The following GSDMC variants were observed in gnomAD, a reference collection of about 807,000 sequenced individuals.
GSDMC encodes the protein gasdermin-C.
Under a neutral mutation model 58.0 loss-of-function variants are expected in GSDMC, and 59 were observed. The observed-to-expected ratio is 1.02, with a 90% confidence interval of 0.82 to 1.26. The LOEUF (loss-of-function observed/expected upper bound fraction) is 1.26, where lower values mean the gene tolerates loss of function less well. GSDMC is among the 50% of genes most tolerant of loss of function. The pLI is 0.00. For synonymous variants in GSDMC, 241 were observed against 220.2 expected, an observed-to-expected ratio of 1.09 and a Z score of -0.83; for missense variants, 659 against 598.5, an observed-to-expected ratio of 1.10 and a Z score of -1.06.
the GSDMC span, among the ~76,000 whole-genome samples, chr8:129,711,482 A>G: frequency 0.4 from 60,854 of 152,086 alleles, 17,239 homozygotes; most frequent in African/African-American, 0.77. Context: ...AACAGAGACC[A>G]TTTTTTCTTG....
chr8:129,705,998 A>G, the GSDMC span, among the ~76,000 whole-genome samples: 2 of 152,300 alleles, frequency 1.3e-5, no homozygotes, highest in Non-Finnish European at 2.9e-5. Context: ...GTGACCTGAT[A>G]TTGGAAATTA....
downstream of GSDMC, among the ~76,000 whole-genome samples, chr8:129,746,422 T>A (rs977091187): frequency 2.0e-5 from 3 of 151,770 alleles, no homozygotes; most frequent in Non-Finnish European, 4.4e-5. Context: ...CGAAAAAAAA[T>A]CAAAGATGCA....
At chr8:129,728,142 A>G in the GSDMC span, among the ~76,000 whole-genome samples, 9 of 152,148 alleles carry the variant, frequency 5.9e-5, no homozygotes, top group South Asian at 2.1e-4. Flanking sequence ...ATCTCCAGGC[A>G]TTCAGAGCAC....
At chr8:129,753,811 G>A (rs2033321241) in intron 6 of GSDMC, among the ~76,000 whole-genome samples, 1 of 152,106 alleles carries the variant, frequency 6.6e-6, no homozygotes, top group Non-Finnish European at 1.5e-5. Context: ...TTTACCACAA[G>A]CTGACTCATG....
the GSDMC span, among the ~76,000 whole-genome samples, chr8:129,739,964 AG>A: frequency 2.6e-5 from 4 of 152,184 alleles, no homozygotes; most frequent in African/African-American, 9.7e-5. Context: ...TGGAGGTGGA[AG>A]AAAGTGATAT....
chr8:129,750,437 C>A lies in GSDMC; in HGVS notation c.1077G>T (p.Met359Ile), dbSNP rs2033140355. The change falls in exon 11 of 14, where the codon ATG (methionine) becomes ATT (isoleucine). Residue 359 changes from methionine (M) to isoleucine (I), a missense_variant. Coordinates refer to ENST00000276708, the MANE Select transcript of GSDMC (RefSeq NM_031415.3). ...CAACTGTGGAGCCCCTCACCATGTT[C>A]ATCAGGTCCTGTAGAGCCCCTCTGT... The part of the protein sequence containing the change: ...LRDRGALQDL[M>I]NMLELDSSGH... The A allele has an allele frequency of 6.2e-7, 1 of 1,613,472 alleles. No individual in the cohort carries two copies. Among genetic ancestry groups the A allele is most frequent in the South Asian group, 1.1e-5 (1 of 90,958 alleles).
At chr8:129,729,877 T>A in the GSDMC span, 5 of 1,008,434 alleles carry the variant, frequency 5.0e-6, no homozygotes, top group East Asian at 1.2e-4. Context: ...TAAGCAGTAT[T>A]GCCCCAACCT....
the GSDMC span, chr8:129,730,150 A>C: frequency 2.9e-6 from 3 of 1,034,002 alleles, no homozygotes; most frequent in East Asian, 2.6e-5. Context: ...ACCCGAAAAA[A>C]TAAAGAGCTG....
chr8:129,773,777 C>A, intron 3 of GSDMC, among the ~76,000 whole-genome samples: 2 of 135,520 alleles, frequency 1.5e-5, no homozygotes, highest in African/African-American at 2.8e-5. Context: ...CAGAGTGAGA[C>A]TCTGTCTCAA....
the GSDMC span, chr8:129,728,802 G>A: frequency 1.4e-4 from 75 of 539,992 alleles, 1 homozygote; most frequent in East Asian, 1.5e-3. Flanking sequence ...CACAGGGGCC[G>A]TTGGCCCAGG....
chr8:129,770,038 C>G (rs1464129019), intron 3 of GSDMC, among the ~76,000 whole-genome samples: 2 of 152,242 alleles, frequency 1.3e-5, no homozygotes, highest in East Asian at 1.9e-4. Context: ...ATTTTCAACT[C>G]TGGTATAAAA....
intron 1 of GSDMC, among the ~76,000 whole-genome samples, chr8:129,783,217 A>G (rs1484144702): frequency 6.6e-6 from 1 of 152,174 alleles, no homozygotes; most frequent in African/African-American, 2.4e-5. Flanking sequence ...TCAACATAAT[A>G]AAAAGCCATA....
the GSDMC span, among the ~76,000 whole-genome samples, chr8:129,738,893 C>G: frequency 6.6e-6 from 1 of 151,988 alleles, no homozygotes; most frequent in African/African-American, 2.4e-5. Context: ...GTCAGAGTTT[C>G]TAGATTTGAA....
At chr8:129,730,371 G>A in the GSDMC span, 1 of 1,265,158 alleles carries the variant, frequency 7.9e-7, no homozygotes, top group Non-Finnish European at 1.1e-6. Context: ...TTATCTACTG[G>A]ATGAACTTGT....
At chr8:129,736,441 C>G in the GSDMC span, among the ~76,000 whole-genome samples, 1 of 152,172 alleles carries the variant, frequency 6.6e-6, no homozygotes, top group African/African-American at 2.4e-5. Context: ...CTATCCACCA[C>G]GATCAACTCA....
At chr8:129,781,561 G>T (rs1042338234) in intron 1 of GSDMC, among the ~76,000 whole-genome samples, 1 of 152,072 alleles carries the variant, frequency 6.6e-6, no homozygotes, top group Non-Finnish European at 1.5e-5. Context: ...TGGCTAACAC[G>T]GTGAAACCCT....
downstream of GSDMC, among the ~76,000 whole-genome samples, chr8:129,744,867 A>G (rs189630443): frequency 3.9e-5 from 6 of 152,356 alleles, no homozygotes; most frequent in Admixed American, 3.9e-4. Flanking sequence ...TAACAATGCT[A>G]TCATACTGGT....
At chr8:129,778,260 A>C (rs1024772271) in intron 1 of GSDMC, among the ~76,000 whole-genome samples, 6 of 152,298 alleles carry the variant, frequency 3.9e-5, no homozygotes, top group African/African-American at 1.4e-4. Flanking sequence ...GAAGCAATGG[A>C]TGCCTGGAAT....
At position 129,756,792 on chromosome 8, in the gene GSDMC, T is replaced by C. The variant is rs191560205; in HGVS notation, c.721+3753A>G. On this transcript the variant is annotated intron_variant, in intron 6 of 13. Coordinates refer to ENST00000276708, the MANE Select transcript of GSDMC (RefSeq NM_031415.3). ...ACAAATACATGGAAATTAAACAATA[T>C]GCTCCTGAATGACCAGTGGGTCAAG... is the stretch of plus-strand genomic sequence containing the variant. Among the ~76,000 whole-genome samples the C allele has an allele frequency of 2.9e-3, 448 of 152,204 alleles. 1 individual carries two copies. The highest frequency in any genetic ancestry group is 5.4e-3 in the Non-Finnish European group (370 of 67,976).
Sources: gnomAD v4.1 joint callset for allele counts (sites outside exome capture counted in the v4.1 genomes callset) on GRCh38, gnomAD v4.1.1 for gene constraint, MANE v1.5 for transcripts, NCBI Gene and HGNC (gene_info 2026-07-23, HGNC 2026-07-21) for gene names.